Variants in PCDH9 observed in about 807,000 individuals in gnomAD.
PCDH9 encodes the protein protocadherin 9.
A neutral mutation model predicts 70.6 loss-of-function variants in PCDH9; 24 were observed. The observed-to-expected ratio is 0.34, with a 90% confidence interval of 0.25 to 0.48. The LOEUF (loss-of-function observed/expected upper bound fraction) is 0.48, where lower values mean the gene tolerates loss of function less well. Among genes scored for constraint, PCDH9 ranks in the 20% least tolerant of loss-of-function variants. The pLI is 0.99. For missense variants in PCDH9, 1,281 were observed against 1,503.6 expected, an observed-to-expected ratio of 0.85 and a Z score of 2.45; for synonymous variants, 562 against 558.5, an observed-to-expected ratio of 1.01 and a Z score of -0.09.
At chr13:67,103,474 A>G (rs1271121035) in intron 2 of PCDH9, among the ~76,000 whole-genome samples, 1 of 152,212 alleles carries the variant, frequency 6.6e-6, no homozygotes, top group East Asian at 1.9e-4. Flanking sequence ...ATATCTTAAA[A>G]TGGTGACAAA....
At chr13:67,166,572 T>C (rs2088121880) in intron 2 of PCDH9, among the ~76,000 whole-genome samples, 1 of 152,334 alleles carries the variant, frequency 6.6e-6, no homozygotes, top group Middle Eastern at 3.4e-3. Flanking sequence ...TAACACAACA[T>C]AATTGATATT....
intron 3 of PCDH9, among the ~76,000 whole-genome samples, chr13:66,700,923 A>AATATATATATATATATAT (rs58852431): frequency 1.7e-5 from 1 of 58,436 alleles, no homozygotes; most frequent in African/African-American, 6.4e-5. Flanking sequence ...TGTACATATA[A>AATATATATATATATATAT]ATATATATAT....
At chr13:66,730,191 C>G (rs759493152) in intron 3 of PCDH9, among the ~76,000 whole-genome samples, 12 of 151,926 alleles carry the variant, frequency 7.9e-5, no homozygotes, top group Non-Finnish European at 1.6e-4. Context: ...TTTTCATATC[C>G]TGGAATCTTT....
chr13:67,035,124 G>A (rs2139894274), intron 2 of PCDH9, among the ~76,000 whole-genome samples: 1 of 152,170 alleles, frequency 6.6e-6, no homozygotes, highest in South Asian at 2.1e-4. Context: ...GAAGTTCCAA[G>A]CTGAAGAATT....
intron 3 of PCDH9, among the ~76,000 whole-genome samples, chr13:66,683,340 C>T (rs373466477): frequency 6.6e-6 from 1 of 152,172 alleles, no homozygotes; most frequent in African/African-American, 2.4e-5. Flanking sequence ...TCAATGGAGA[C>T]ATCTAATACC....
intron 3 of PCDH9, among the ~76,000 whole-genome samples, chr13:66,761,053 T>C (rs1374729730): frequency 1.3e-5 from 2 of 152,204 alleles, no homozygotes; most frequent in African/African-American, 2.4e-5. Flanking sequence ...AGTTTTGCCC[T>C]GGCCTTGCAA....
chr13:66,622,565 T>A (rs978197143), intron 4 of PCDH9, among the ~76,000 whole-genome samples: 2 of 152,156 alleles, frequency 1.3e-5, no homozygotes, highest in Non-Finnish European at 2.9e-5. Context: ...CCACACTCTG[T>A]ATCTAGCTAC....
intron 2 of PCDH9, among the ~76,000 whole-genome samples, chr13:66,967,834 AATG>A (rs2083455429): frequency 6.6e-6 from 1 of 152,014 alleles, no homozygotes; most frequent in African/African-American, 2.4e-5. Context: ...AATCCTAGAA[AATG>A]ATGCTATTAT....
At chr13:66,584,853 A>G (rs1375347674) in intron 4 of PCDH9, among the ~76,000 whole-genome samples, 1 of 152,108 alleles carries the variant, frequency 6.6e-6, no homozygotes, top group Non-Finnish European at 1.5e-5. Context: ...TAAGAATATG[A>G]GGTGAAGAGT....
intron 3 of PCDH9, among the ~76,000 whole-genome samples, chr13:66,759,747 A>G (rs911845126): frequency 5.8e-4 from 37 of 64,208 alleles, no homozygotes; most frequent in African/African-American, 1.9e-3. Flanking sequence ...GAGTCCTTCC[A>G]CTTCATTTTG....
chr13:67,156,950 A>G (rs113574668), intron 2 of PCDH9, among the ~76,000 whole-genome samples: 27 of 152,334 alleles, frequency 1.8e-4, no homozygotes, highest in African/African-American at 5.8e-4. Context: ...TTTCACTAGC[A>G]TATACAATAT....
intron 4 of PCDH9, among the ~76,000 whole-genome samples, chr13:66,404,767 C>T (rs905887229): frequency 1.3e-5 from 2 of 152,110 alleles, no homozygotes; most frequent in Non-Finnish European, 2.9e-5. Context: ...TTACTCACAT[C>T]TTTACCTTCA....
intron 2 of PCDH9, among the ~76,000 whole-genome samples, chr13:67,031,295 T>A (rs989124838): frequency 2.6e-5 from 4 of 152,212 alleles, no homozygotes; most frequent in Admixed American, 6.5e-5. Flanking sequence ...ATTATCTACA[T>A]TTTCTACAAT....
rs1321183187 is a variant in PCDH9 at position 67,228,201 on chromosome 13, G to T, written c.240C>A (p.Ser80Arg). Reference protein sequence around the residue: ...AGDAPLVKVSSSTGEIFTTSN... With the variant: ...AGDAPLVKVSRSTGEIFTTSN... ...AGGTTGTGAAAATTTCCCCAGTGCT[G>T]CTGGAAACTTTCACCAAAGGGGCAT... is the stretch of plus-strand genomic sequence containing the variant. The change falls in exon 2 of 5, where the codon AGC becomes AGA. Residue 80 changes from serine (S) to arginine (R), a missense_variant. Around this residue, in one of 4 missense-constraint regions of PCDH9, gnomAD observed 798 missense variants for 1,003.1 expected, o/e 0.80. Transcript: ENST00000377865. The T allele has an allele frequency of 6.2e-7, 1 of 1,613,026 alleles. No homozygotes were observed. Among genetic ancestry groups the T allele is most frequent in the East Asian group, 2.2e-5 (1 of 44,886 alleles).
intron 2 of PCDH9, among the ~76,000 whole-genome samples, chr13:67,020,129 G>C (rs778442290): frequency 2.0e-5 from 3 of 152,006 alleles, no homozygotes; most frequent in Non-Finnish European, 4.4e-5. Flanking sequence ...GTCTGTGTCT[G>C]TAGTATATGT....
intron 4 of PCDH9, among the ~76,000 whole-genome samples, chr13:66,561,149 C>A (rs946238902): frequency 2.6e-5 from 4 of 152,210 alleles, no homozygotes; most frequent in Admixed American, 6.5e-5. Context: ...GGGCAGGCCC[C>A]GCACTCGGAG....
intron 3 of PCDH9, among the ~76,000 whole-genome samples, chr13:66,660,928 T>C (rs1254986306): frequency 1.3e-5 from 2 of 152,092 alleles, no homozygotes; most frequent in Non-Finnish European, 2.9e-5. Flanking sequence ...AAACTTGTTA[T>C]TTACAATATG....
chr13:66,652,060 T>C (rs1279125033), intron 3 of PCDH9, among the ~76,000 whole-genome samples: 1 of 152,076 alleles, frequency 6.6e-6, no homozygotes, highest in Non-Finnish European at 1.5e-5. Flanking sequence ...TCATACTGAA[T>C]GGAGAAAACC....
chr13:66,810,314 T>C (rs893204620), intron 3 of PCDH9, among the ~76,000 whole-genome samples: 2 of 152,080 alleles, frequency 1.3e-5, no homozygotes, highest in African/African-American at 2.4e-5. Flanking sequence ...TTTTTAATAA[T>C]TGGCTAATCA....
Sources: gnomAD v4.1 joint callset for allele counts (sites outside exome capture counted in the v4.1 genomes callset) on GRCh38, gnomAD v4.1.1 for gene constraint, gnomAD v4.1.1 regional missense constraint, MANE v1.5 for transcripts, NCBI Gene and HGNC (gene_info 2026-07-23, HGNC 2026-07-21) for gene names.